The following GSDME variants were observed in gnomAD, a reference collection of about 807,000 sequenced individuals.
The protein encoded by GSDME is gasdermin E.
A neutral mutation model predicts 47.5 loss-of-function variants in GSDME; 44 were observed. That is an observed-to-expected ratio of 0.93 (90% CI 0.73 to 1.19). The LOEUF (loss-of-function observed/expected upper bound fraction) is 1.19. Ranked by LOEUF, GSDME falls within the 50% of genes most tolerant of loss-of-function variation. GSDME has a pLI of 0.00. For synonymous variants in GSDME, 258 were observed against 252.8 expected (o/e 1.02, Z -0.20); for missense variants, 663 against 604.2 (o/e 1.10, Z -1.02).
At chr7:24,730,674 G>A (rs1459050796) in intron 3 of GSDME, among the ~76,000 whole-genome samples, 1 of 152,166 alleles carries the variant, frequency 6.6e-6, no homozygotes, top group East Asian at 1.9e-4. Context: ...AATTAGCTGG[G>A]CGTGGTGGCA....
the GSDME span, among the ~76,000 whole-genome samples, chr7:24,791,578 G>A: frequency 1.3e-5 from 2 of 152,216 alleles, no homozygotes; most frequent in African/African-American, 4.8e-5. This position sits in a 1 kb window ranked among gnomAD's most constrained non-coding sequence, Gnocchi z 4.8. Context: ...CAGTACGACT[G>A]CAGCTCCTAG....
rs1173620555 is a variant in GSDME, at chr7:24,733,721, G to A, written c.404+10841C>T. Among the ~76,000 whole-genome samples the A allele has an allele frequency of 6.6e-6, 1 of 152,108 alleles. No homozygotes were observed. Among genetic ancestry groups the A allele is most frequent in the Admixed American group, 6.5e-5 (1 of 15,282 alleles). The stretch of plus-strand genomic sequence containing the variant: ...GGGAAAGGAGAGGGAAGAGTGAAGG[G>A]ACTTTGTCCTGTGATTTGAGTGCCA... On this transcript the variant is annotated intron_variant, in intron 3 of 9. Coordinates refer to ENST00000645220, the MANE Select transcript of GSDME (RefSeq NM_001127453.2). This position sits in a 1 kb window ranked among gnomAD's most constrained non-coding sequence, Gnocchi z 4.3.
At chr7:24,706,767 G>A (rs375675481) in intron 7 of GSDME, among the ~76,000 whole-genome samples, 2 of 152,308 alleles carry the variant, frequency 1.3e-5, no homozygotes, top group East Asian at 3.9e-4. Flanking sequence ...CATTCCCACC[G>A]GGCACTGGGC....
At position 24,733,007 on chromosome 7, in the gene GSDME, A is replaced by G. The variant is rs1289733093; in HGVS notation, c.404+11555T>C. Among the ~76,000 whole-genome samples the G allele has an allele frequency of 6.6e-6, 1 of 152,112 alleles. No individual in the cohort carries two copies. The highest frequency in any genetic ancestry group is 2.4e-5 in the African/African-American group (1 of 41,496). On this transcript the variant is annotated intron_variant, in intron 3 of 9. Transcript: ENST00000645220. This position sits in a 1 kb window ranked among gnomAD's most constrained non-coding sequence, Gnocchi z 4.3. Reference sequence around the variant, plus strand: ...AAGCAGCACAACATGCAGCTCCAAAAGAGATCCCTTCCTTGTGCTTGAGGA... The same window carrying G: ...AAGCAGCACAACATGCAGCTCCAAAGGAGATCCCTTCCTTGTGCTTGAGGA...
upstream of GSDME, among the ~76,000 whole-genome samples, chr7:24,759,471 T>C (rs1272788010): frequency 6.6e-6 from 1 of 152,218 alleles, no homozygotes; most frequent in Non-Finnish European, 1.5e-5. Context: ...CTATTATTTA[T>C]GTAGCACTTT....
intron 9 of GSDME, among the ~76,000 whole-genome samples, chr7:24,700,283 C>T (rs758293917): frequency 6.6e-6 from 1 of 152,172 alleles, no homozygotes; most frequent in Non-Finnish European, 1.5e-5. Flanking sequence ...GGATGCTGCT[C>T]TAATTCCACT....
chr7:24,719,437 G>A (rs539265908), intron 3 of GSDME, among the ~76,000 whole-genome samples: 3 of 152,302 alleles, frequency 2.0e-5, no homozygotes, highest in African/African-American at 7.2e-5. Flanking sequence ...GGCCAGGCTA[G>A]ATGCCAGAGG....
Position 24,724,439 on chromosome 7 carries a change from C to T in GSDME, c.405-5221G>A, listed in dbSNP as rs748843730. Among the ~76,000 whole-genome samples the T allele has an allele frequency of 7.9e-5, 12 of 152,166 alleles. No homozygotes were observed. Among genetic ancestry groups the T allele is most frequent in the Non-Finnish European group, 1.2e-4 (8 of 68,034 alleles). ...AATGAACAAGCAGAGGTTCTTCATCCGCTTCACACATCTAAGGGCAGGCTC... is the reference window on the plus strand; with the variant it reads ...AATGAACAAGCAGAGGTTCTTCATCTGCTTCACACATCTAAGGGCAGGCTC... On this transcript the variant is annotated intron_variant, in intron 3 of 9. Transcript: ENST00000645220. This position sits in a 1 kb window ranked among gnomAD's most constrained non-coding sequence, Gnocchi z 4.8.
At chr7:24,747,391 C>T (rs992680283) in intron 2 of GSDME, among the ~76,000 whole-genome samples, 1 of 152,182 alleles carries the variant, frequency 6.6e-6, no homozygotes, top group African/African-American at 2.4e-5. Context: ...ATCTCCTCTA[C>T]CTCTTTTCCC....
rs531475026 is a variant in GSDME at position 24,726,620 on chromosome 7, G to A, written c.405-7402C>T. Among the ~76,000 whole-genome samples the A allele has an allele frequency of 5.9e-5, 9 of 152,224 alleles. No individual in the cohort carries two copies. Among genetic ancestry groups the A allele is most frequent in the East Asian group, 1.9e-4 (1 of 5,174 alleles). The stretch of plus-strand genomic sequence containing the variant: ...GGGCGGATCACGAGGTCAGGAGATC[G>A]AGACCATCCTGGTTAATATGGTGAA... On this transcript the variant is annotated intron_variant, in intron 3 of 9. Transcript: ENST00000645220. The surrounding 1 kb of genome is among the most constrained non-coding windows in gnomAD (Gnocchi z 5.6).
At chr7:24,763,096 C>G in the GSDME span, among the ~76,000 whole-genome samples, 1 of 152,230 alleles carries the variant, frequency 6.6e-6, no homozygotes, top group South Asian at 2.1e-4. The surrounding 1 kb of genome is among the most constrained non-coding windows in gnomAD (Gnocchi z 4.3). Flanking sequence ...TCAACTGGAA[C>G]ACGTTTCTGC....
Position 24,745,034 on chromosome 7 carries a change from T to TGTGTGTGG in GSDME, c.212-281_212-280insCCACACAC, listed in dbSNP as rs1292473229. ...GTGTGTGTGTGTGTGTGTGTGTGTG[T>TGTGTGTGG]GGACCACGGGCACACAGTGGACCAG... On this transcript the variant is annotated intron_variant, in intron 2 of 9. Coordinates refer to ENST00000645220, the MANE Select transcript of GSDME (RefSeq NM_001127453.2). This position sits in a 1 kb window ranked among gnomAD's most constrained non-coding sequence, Gnocchi z 4.4. 3.7e-5 allele frequency among the ~76,000 whole-genome samples: 5 copies of TGTGTGTGG among 135,738 alleles called. No homozygotes were observed. The highest frequency in any genetic ancestry group is 1.4e-4 in the African/African-American group (5 of 34,590). The allele number at this position is 135,738 out of a possible 152,430, so 89.0% of individuals were successfully genotyped here.
At chr7:24,729,372 T>A (rs1180693180) in intron 3 of GSDME, among the ~76,000 whole-genome samples, 1 of 152,180 alleles carries the variant, frequency 6.6e-6, no homozygotes, top group African/African-American at 2.4e-5. Flanking sequence ...ATAAACCAAT[T>A]ATCCTTTCAA....
rs573426537 is a variant in GSDME, at chr7:24,731,397, G to A, written c.405-12179C>T. 2.3e-4 allele frequency among the ~76,000 whole-genome samples: 35 copies of A among 152,368 alleles called. 1 individual carries two copies. Among genetic ancestry groups the A allele is most frequent in the African/African-American group, 8.4e-4 (35 of 41,584 alleles). On this transcript the variant is annotated intron_variant, in intron 3 of 9. Coordinates refer to ENST00000645220, the MANE Select transcript of GSDME (RefSeq NM_001127453.2). ...GCCCCGCCGACTTTCACTGGAGGTG[G>A]TCAGTCGCTCCACGGTGGAGTTCAG... is the stretch of plus-strand genomic sequence containing the variant.
Position 24,735,481 on chromosome 7 carries a change from G to A in GSDME, c.404+9081C>T, listed in dbSNP as rs149077842. 4.7e-3 allele frequency among the ~76,000 whole-genome samples: 715 copies of A among 152,262 alleles called. 6 individuals are homozygous for A. Among genetic ancestry groups the A allele is most frequent in the African/African-American group, 0.016 (679 of 41,542 alleles). ...TTAAAAATAGTAACTACAGGGCCGG[G>A]CACAGTGGCTCACGCCTGTAATCCC... On this transcript the variant is annotated intron_variant, in intron 3 of 9. Coordinates refer to ENST00000645220, the MANE Select transcript of GSDME (RefSeq NM_001127453.2). The surrounding 1 kb of genome is among the most constrained non-coding windows in gnomAD (Gnocchi z 4.4).
chr7:24,711,217 T>G (rs562433007), intron 5 of GSDME, among the ~76,000 whole-genome samples: 10 of 152,192 alleles, frequency 6.6e-5, no homozygotes, highest in East Asian at 1.9e-4. Flanking sequence ...ATAAAAAGGT[T>G]TGTTTTTGGT....
chr7:24,795,496 C>A, the GSDME span, among the ~76,000 whole-genome samples: 2 of 152,104 alleles, frequency 1.3e-5, no homozygotes, highest in Non-Finnish European at 2.9e-5. Context: ...AGGGGGTCTG[C>A]GTGAGAGGGT....
rs1001390558 is a variant in GSDME, at chr7:24,716,423, A to ATATATTT, written c.697+830_697+831insAAATATA. The ATATATTT allele has an allele frequency of 1.3e-5, 2 of 152,252 alleles. No homozygotes were observed. The highest frequency in any genetic ancestry group is 2.4e-5 in the African/African-American group (1 of 41,454). 9.4% of individuals were successfully genotyped at this position (152,252 alleles called of 1,614,324 possible). On this transcript the variant is annotated intron_variant, in intron 5 of 9. Transcript: ENST00000645220. This position sits in a 1 kb window ranked among gnomAD's most constrained non-coding sequence, Gnocchi z 4.5. ...AAGATAGGATGACTCATTTTTATAAATATAACTATAATACCATTGTCACAC... is the reference window on the plus strand; with the variant it reads ...AAGATAGGATGACTCATTTTTATAAATATATTTTATAACTATAATACCATTGTCACAC...
In GSDME at chr7:24,733,549, T is replaced by A. The variant is rs1429794624; in HGVS notation, c.404+11013A>T. 1.3e-5 allele frequency among the ~76,000 whole-genome samples: 2 copies of A among 152,260 alleles called. No individual in the cohort carries two copies. Among genetic ancestry groups the A allele is most frequent in the East Asian group, 3.9e-4 (2 of 5,174 alleles). ...TACCCAGGCCCACAGGGGACCCCAC[T>A]GCCCTGAAGAGTGCGTCTCAAACCT... On this transcript the variant is annotated intron_variant, in intron 3 of 9. Coordinates refer to ENST00000645220, the MANE Select transcript of GSDME (RefSeq NM_001127453.2). This position sits in a 1 kb window ranked among gnomAD's most constrained non-coding sequence, Gnocchi z 4.3.
Sources: allele counts gnomAD v4.1 joint callset (sites outside exome capture counted in the v4.1 genomes callset), GRCh38; gene constraint gnomAD v4.1.1; non-coding constraint Gnocchi (gnomAD v3.1); transcripts MANE v1.5; gene names NCBI Gene and HGNC (gene_info 2026-07-23, HGNC 2026-07-21).